Variants in PAAF1 observed in about 807,000 individuals in gnomAD.
The protein encoded by PAAF1 is proteasomal ATPase-associated factor 1.
A neutral mutation model predicts 52.8 loss-of-function variants in PAAF1; 46 were observed. The ratio of observed to expected loss-of-function variants is 0.87; its 90% CI spans 0.69 to 1.11. The LOEUF (loss-of-function observed/expected upper bound fraction) is 1.11, where lower values mean the gene tolerates loss of function less well. Ranked by LOEUF, PAAF1 falls within the 50% of genes most tolerant of loss-of-function variation. PAAF1 has a pLI of 0.00. For synonymous variants in PAAF1, 178 were observed against 172.8 expected (o/e 1.03, Z -0.24); for missense variants, 424 against 477.4 (o/e 0.89, Z 1.04).
Position 73,886,672 on chromosome 11 carries a change from CAAAAAAAAA to C in PAAF1, c.89-664_89-656del, listed in dbSNP as rs55697916. Among the ~76,000 whole-genome samples the C allele has an allele frequency of 5.6e-3, 193 of 34,260 alleles. 3 individuals are homozygous for C. Among genetic ancestry groups the C allele is most frequent in the South Asian group, 0.013 (17 of 1,280 alleles). The allele number at this position is 34,260 out of a possible 152,430, so 22.5% of individuals were successfully genotyped here. On this transcript the variant is annotated intron_variant, in intron 2 of 11. Transcript: ENST00000310571. ...TGGGCGACAGAGCAAGACTCCATCTCAAAAAAAAAAAAAAAAAAAAAAAAAAGAAAATGT... is the reference window on the plus strand; with the variant it reads ...TGGGCGACAGAGCAAGACTCCATCTCAAAAAAAAAAAAAAAAAGAAAATGT...
At chr11:73,918,545 C>T (rs1344359142) in intron 9 of PAAF1, among the ~76,000 whole-genome samples, 1 of 149,870 alleles carries the variant, frequency 6.7e-6, no homozygotes, top group African/African-American at 2.5e-5. Context: ...GGCGCGATCT[C>T]GGCTCACTGC....
intron 2 of PAAF1, among the ~76,000 whole-genome samples, chr11:73,884,651 T>A (rs1268289310): frequency 1.3e-5 from 2 of 152,172 alleles, no homozygotes; most frequent in Non-Finnish European, 2.9e-5. Context: ...TTGCTTCAGT[T>A]CTGTTTTTGT....
intron 4 of PAAF1, among the ~76,000 whole-genome samples, chr11:73,893,224 AATT>A (rs1949245245): frequency 6.6e-6 from 1 of 152,170 alleles, no homozygotes; most frequent in Admixed American, 6.6e-5. Flanking sequence ...AGGGTGTGGG[AATT>A]ATGAGGCTTT....
At chr11:73,890,013 C>T (rs1016129128) in intron 3 of PAAF1, among the ~76,000 whole-genome samples, 2 of 152,114 alleles carry the variant, frequency 1.3e-5, no homozygotes, top group Non-Finnish European at 2.9e-5. Flanking sequence ...CTGTGAGGAC[C>T]TGTGCTTGTT....
chr11:73,876,757 C>G (rs1245970686), upstream of PAAF1: 2 of 346,578 alleles, frequency 5.8e-6, no homozygotes, highest in Non-Finnish European at 1.0e-5. Context: ...CGATGCTCAC[C>G]GAACAGGTGG....
At chr11:73,908,295 G>A (rs963989468) in intron 6 of PAAF1, among the ~76,000 whole-genome samples, 8 of 144,238 alleles carry the variant, frequency 5.5e-5, no homozygotes, top group South Asian at 2.1e-4. Context: ...GTATATATAT[G>A]TGTGTATATA....
rs1047197619 is a variant in PAAF1 at position 73,929,202 on chromosome 11, A to C, written c.*1840A>C. ...GCTGAAACCATGGGTGCACACCACCACACTCGGCTAATTTTTTAAATTTTT... is the reference window on the plus strand; with the variant it reads ...GCTGAAACCATGGGTGCACACCACCCCACTCGGCTAATTTTTTAAATTTTT... On this transcript the variant is annotated 3_prime_UTR_variant, in exon 12 of 12. Coordinates refer to ENST00000310571, the MANE Select transcript of PAAF1 (RefSeq NM_025155.3). 2 of 151,334 alleles carry C rather than the reference A, an allele frequency of 1.3e-5. No individual in the cohort carries two copies. The highest frequency in any genetic ancestry group is 2.4e-5 in the African/African-American group (1 of 41,052). 9.4% of individuals were successfully genotyped at this position (151,334 alleles called of 1,614,324 possible).
intron 8 of PAAF1, 145 bp downstream of exon 8, chr11:73,914,649 A>T: frequency 1.9e-6 from 1 of 527,342 alleles, no homozygotes; most frequent in Non-Finnish European, 3.5e-6. Context: ...CAGTGTAATG[A>T]TTAAGAGTTG....
intron 3 of PAAF1, chr11:73,889,143 GCTGA>G: frequency 2.0e-6 from 3 of 1,486,616 alleles, no homozygotes; most frequent in Non-Finnish European, 2.7e-6. Flanking sequence ...CAGCCTGGGT[GCTGA>G]CTTCTTTCTT....
chr11:73,927,248 C>G (rs780110898), intron 11 of PAAF1, 37 bp from the exon 12 acceptor site: 1 of 1,523,720 alleles, frequency 6.6e-7, no homozygotes, highest in South Asian at 1.1e-5. Context: ...TGGAAGAATC[C>G]CAGGCTTCCT....
At chr11:73,908,275 G>T (rs1002933234) in intron 6 of PAAF1, among the ~76,000 whole-genome samples, 1 of 146,126 alleles carries the variant, frequency 6.8e-6, no homozygotes, top group Admixed American at 7.0e-5. Flanking sequence ...GTGTATATAT[G>T]TGTATATATG....
intron 3 of PAAF1, chr11:73,889,082 C>A (rs1175695113): frequency 1.2e-6 from 1 of 859,940 alleles, no homozygotes. Context: ...TCTGTTGATT[C>A]CAAGTTTAGC....
intron 7 of PAAF1, 24 bp downstream of exon 7, chr11:73,909,617 A>G (rs1205802853): frequency 6.2e-7 from 1 of 1,606,614 alleles, no homozygotes; most frequent in African/African-American, 1.3e-5. Flanking sequence ...GATATGTAGC[A>G]TTGTTTTATT....
At chr11:73,882,129 C>A (rs1333901728) in intron 2 of PAAF1, among the ~76,000 whole-genome samples, 6 of 152,002 alleles carry the variant, frequency 3.9e-5, no homozygotes, top group Non-Finnish European at 8.8e-5. Context: ...GACCCGCCTG[C>A]CTCAGCCTCC....
intron 4 of PAAF1, among the ~76,000 whole-genome samples, chr11:73,897,264 C>T (rs1259640830): frequency 6.8e-6 from 1 of 146,626 alleles, no homozygotes; most frequent in Non-Finnish European, 1.5e-5. Context: ...CCGGACGGGG[C>T]GGCTGGCCGT....
At chr11:73,908,355 ATG>A (rs746823899) in intron 6 of PAAF1, among the ~76,000 whole-genome samples, 1 of 143,966 alleles carries the variant, frequency 6.9e-6, no homozygotes. Context: ...ATGTGTATAT[ATG>A]TGTGTATATA....
chr11:73,911,343 TA>T (rs1434270609), intron 7 of PAAF1, among the ~76,000 whole-genome samples: 1 of 152,136 alleles, frequency 6.6e-6, no homozygotes, highest in African/African-American at 2.4e-5. Flanking sequence ...CCACTACACC[TA>T]GCTACTTTTT....
chr11:73,921,867 T>A, intron 10 of PAAF1: 1 of 1,123,394 alleles, frequency 8.9e-7, no homozygotes. Flanking sequence ...GAAAACCAGG[T>A]TCTCCAGGAA....
chr11:73,918,878 C>G, intron 9 of PAAF1, 72 bp from the exon 10 acceptor site: 1 of 1,099,554 alleles, frequency 9.1e-7, no homozygotes, highest in South Asian at 1.3e-5. Context: ...GTGGTTAGTA[C>G]TATATGTTGA....
Sources: allele counts gnomAD v4.1 joint callset (sites outside exome capture counted in the v4.1 genomes callset), GRCh38; gene constraint gnomAD v4.1.1; transcripts MANE v1.5; gene names NCBI Gene and HGNC (gene_info 2026-07-23, HGNC 2026-07-21).